ST6GALNAC3: variants seen among roughly 807,000 people sequenced by gnomAD.
ST6GALNAC3 encodes the protein ST6 N-acetylgalactosaminide alpha-2,6-sialyltransferase 3.
In ST6GALNAC3, 25 loss-of-function variants were observed where a neutral mutation model predicts 32.7. The ratio of observed to expected loss-of-function variants is 0.76; its 90% CI spans 0.56 to 1.07. The LOEUF is 1.07. Ranked by LOEUF, ST6GALNAC3 falls within the 50% of genes least tolerant of loss-of-function variation. The pLI, the probability that ST6GALNAC3 is intolerant of heterozygous loss-of-function variation, is 0.00. For missense variants in ST6GALNAC3, 355 were observed against 382.4 expected, an observed-to-expected ratio of 0.93 and a Z score of 0.60; for synonymous variants, 129 against 133.1, an observed-to-expected ratio of 0.97 and a Z score of 0.21.
At chr1:76,406,298 TTCCCTTTAG>T (rs1348219207) in intron 2 of ST6GALNAC3, among the ~76,000 whole-genome samples, 1 of 152,070 alleles carries the variant, frequency 6.6e-6, no homozygotes, top group Non-Finnish European at 1.5e-5. Context: ...GGAGGTATTA[TTCCCTTTAG>T]TCCTGGAGAC....
At chr1:76,416,861 C>T (rs935577133) in intron 3 of ST6GALNAC3, among the ~76,000 whole-genome samples, 2 of 151,986 alleles carry the variant, frequency 1.3e-5, no homozygotes, top group South Asian at 2.1e-4. Flanking sequence ...CTCCTGACCC[C>T]GTGAGCCATC....
intron 3 of ST6GALNAC3, among the ~76,000 whole-genome samples, chr1:76,569,298 G>A (rs1386415396): frequency 6.6e-6 from 1 of 152,034 alleles, no homozygotes; most frequent in Non-Finnish European, 1.5e-5. Flanking sequence ...TAAATTCAAG[G>A]AGGAGAAAAC....
chr1:76,525,068 T>C (rs1570098275), intron 3 of ST6GALNAC3, among the ~76,000 whole-genome samples: 1 of 152,086 alleles, frequency 6.6e-6, no homozygotes, highest in East Asian at 1.9e-4. Flanking sequence ...AAATCATCAG[T>C]GCATTTTTTA....
intron 1 of ST6GALNAC3, among the ~76,000 whole-genome samples, chr1:76,163,654 G>T (rs1460542674): frequency 6.6e-6 from 1 of 152,032 alleles, no homozygotes; most frequent in Non-Finnish European, 1.5e-5. Flanking sequence ...TTTTTTTTCT[G>T]TGTTGGTGAT....
chr1:76,304,019 G>A (rs1327916076), intron 1 of ST6GALNAC3, among the ~76,000 whole-genome samples: 2 of 151,178 alleles, frequency 1.3e-5, no homozygotes, highest in African/African-American at 4.9e-5. Flanking sequence ...CTTAAAGTGA[G>A]ATGAATTAAG....
intron 3 of ST6GALNAC3, among the ~76,000 whole-genome samples, chr1:76,495,784 T>C (rs868205534): frequency 1.3e-5 from 2 of 152,188 alleles, no homozygotes; most frequent in African/African-American, 4.8e-5. Flanking sequence ...TTCTTTTTCA[T>C]TGATGATCTT....
At chr1:76,171,269 G>A (rs1216698948) in intron 1 of ST6GALNAC3, among the ~76,000 whole-genome samples, 5 of 151,996 alleles carry the variant, frequency 3.3e-5, no homozygotes, top group Admixed American at 2.0e-4. Flanking sequence ...TGCTTTTAGG[G>A]TTCTGTATTA....
At chr1:76,592,120 G>A (rs576672999) in intron 3 of ST6GALNAC3, among the ~76,000 whole-genome samples, 1 of 152,120 alleles carries the variant, frequency 6.6e-6, no homozygotes, top group Admixed American at 6.6e-5. Flanking sequence ...TTTAATCAAG[G>A]AGAATGACAT....
At chr1:76,609,828 T>C (rs920168924) in intron 3 of ST6GALNAC3, among the ~76,000 whole-genome samples, 2 of 152,178 alleles carry the variant, frequency 1.3e-5, no homozygotes, top group African/African-American at 4.8e-5. Flanking sequence ...TGACTTGGGT[T>C]CAATCTAACA....
At chr1:76,377,681 A>G (rs1486429872) in intron 2 of ST6GALNAC3, among the ~76,000 whole-genome samples, 1 of 152,138 alleles carries the variant, frequency 6.6e-6, no homozygotes, top group Admixed American at 6.5e-5. Context: ...TTGTTTTTTT[A>G]TGACCTACTG....
chr1:76,332,973 C>T (rs1013814915), intron 2 of ST6GALNAC3, among the ~76,000 whole-genome samples: 3 of 152,028 alleles, frequency 2.0e-5, no homozygotes. Flanking sequence ...AATTTATTGC[C>T]ATCACTTTTG....
intron 1 of ST6GALNAC3, among the ~76,000 whole-genome samples, chr1:76,279,283 C>G (rs1659361584): frequency 6.6e-6 from 1 of 152,204 alleles, no homozygotes; most frequent in African/African-American, 2.4e-5. Context: ...CAAGTGAAAG[C>G]TTATGGCTGC....
chr1:76,251,090 AC>A (rs761415120), intron 1 of ST6GALNAC3, among the ~76,000 whole-genome samples: 1 of 149,180 alleles, frequency 6.7e-6, no homozygotes, highest in African/African-American at 2.5e-5. Flanking sequence ...AACTTCTCCT[AC>A]CCTTTTTTTT....
chr1:76,401,168 G>A (rs1653384551), intron 2 of ST6GALNAC3, among the ~76,000 whole-genome samples: 1 of 151,876 alleles, frequency 6.6e-6, no homozygotes, highest in East Asian at 1.9e-4. Flanking sequence ...TCAAATAAAT[G>A]TATACTAGTC....
At position 76,310,199 on chromosome 1, in the gene ST6GALNAC3, C is replaced by T. The variant is rs115347459; in HGVS notation, c.19-3606C>T. Among the ~76,000 whole-genome samples the T allele has an allele frequency of 3.1e-3, 465 of 152,236 alleles. 1 individual carries two copies. The highest frequency in any genetic ancestry group is 0.02 in the Middle Eastern group (6 of 294). On this transcript the variant is annotated intron_variant, in intron 1 of 4. Transcript: ENST00000328299. The stretch of plus-strand genomic sequence containing the variant: ...ATGACGATTAAGAAAAAGGTTCTTA[C>T]CTGTTTACTTAATGGGTGACTGGCC...
intron 1 of ST6GALNAC3, among the ~76,000 whole-genome samples, chr1:76,247,563 CT>C (rs1657343331): frequency 6.6e-6 from 1 of 152,172 alleles, no homozygotes; most frequent in Non-Finnish European, 1.5e-5. Flanking sequence ...GCCACAGCTG[CT>C]TTGCCATGCT....
chr1:76,248,089 T>C (rs1019556622), intron 1 of ST6GALNAC3, among the ~76,000 whole-genome samples: 3 of 152,122 alleles, frequency 2.0e-5, no homozygotes, highest in African/African-American at 4.8e-5. Flanking sequence ...TTGCATTTCC[T>C]GGGTGAAGTG....
chr1:76,486,670 T>C (rs189350123), intron 3 of ST6GALNAC3, among the ~76,000 whole-genome samples: 1,699 of 152,310 alleles, frequency 0.011, 18 homozygotes, highest in Non-Finnish European at 0.018. Flanking sequence ...GAGTCTTGAC[T>C]CTTTATCCAA....
intron 2 of ST6GALNAC3, among the ~76,000 whole-genome samples, chr1:76,398,698 T>C (rs1653175127): frequency 6.6e-6 from 1 of 152,084 alleles, no homozygotes; most frequent in African/African-American, 2.4e-5. Context: ...TACATGAAAA[T>C]TGGTACACAA....
Sources: gnomAD v4.1 joint callset for allele counts (sites outside exome capture counted in the v4.1 genomes callset) on GRCh38, gnomAD v4.1.1 for gene constraint, MANE v1.5 for transcripts, NCBI Gene and HGNC (gene_info 2026-07-23, HGNC 2026-07-21) for gene names.